USF1: variants seen among roughly 807,000 people sequenced by gnomAD.
USF1 encodes upstream stimulatory factor 1.
USF1 carries 22 observed loss-of-function variants against 46.3 expected under a neutral mutation model. The ratio of observed to expected loss-of-function variants is 0.47; its 90% CI spans 0.34 to 0.68. USF1 has a LOEUF of 0.68. USF1 is among the 30% of genes least tolerant of loss of function. The pLI, the probability that USF1 is intolerant of heterozygous loss-of-function variation, is 0.01. For missense variants in USF1, 287 were observed against 399.3 expected, an observed-to-expected ratio of 0.72 and a Z score of 2.40; for synonymous variants, 150 against 147.0, an observed-to-expected ratio of 1.02 and a Z score of -0.15.
chr1:161,043,973 T>G (rs547787223), intron 1 of USF1, among the ~76,000 whole-genome samples: 1 of 126,402 alleles, frequency 7.9e-6, no homozygotes, highest in African/African-American at 3.2e-5. Flanking sequence ...TGAGACAGAA[T>G]CTTGCTCTGT....
At position 161,042,211 on chromosome 1, in the gene USF1, A is replaced by ACAT. The variant is rs749679234; in HGVS notation, c.178_180dup (p.Met60dup). 6.2e-7 allele frequency: 1 copy of ACAT among 1,613,548 alleles called. No homozygotes were observed. Among genetic ancestry groups the ACAT allele is most frequent in the Non-Finnish European group, 8.5e-7 (1 of 1,179,700 alleles). On this transcript the variant is annotated inframe_insertion, in exon 5 of 11. Coordinates refer to ENST00000368021, the MANE Select transcript of USF1 (RefSeq NM_007122.5). ...CCCTCAGACACCTGGATCACCCTGT[A>ACAT]CATCACCTAGAAGTGTAGAGGAAGG...
At position 161,039,272 on chromosome 1, in the gene USF1, TAAAAAAAAAAAAAAAAAAAAAAA is replaced by T. The variant is rs748404757; in HGVS notation, c.*625_*647del. On this transcript the variant is annotated 3_prime_UTR_variant, in exon 11 of 11. Transcript: ENST00000368021. Reference sequence around the variant, plus strand: ...ACTGTGGCTTTGAACAATTTTATCTTAAAAAAAAAAAAAAAAAAAAAAAAAAAAGAAAAGAAAAAAAAAAAACG... The same window carrying T: ...ACTGTGGCTTTGAACAATTTTATCTTAAAAAGAAAAGAAAAAAAAAAAACG... The T allele has an allele frequency of 2.2e-4, 13 of 59,200 alleles. No individual in the cohort carries two copies. Among genetic ancestry groups the T allele is most frequent in the Non-Finnish European group, 3.4e-4 (12 of 34,840 alleles). 3.7% of individuals were successfully genotyped at this position (59,200 alleles called of 1,614,324 possible). A position where few individuals can be genotyped will look rare whatever the true frequency, so the allele number is the denominator to read the frequency against.
chr1:161,045,091 CCTGAAGAGGAAA>C (rs1310142157), intron 1 of USF1: 2 of 152,180 alleles, frequency 1.3e-5, no homozygotes, highest in African/African-American at 4.8e-5. Flanking sequence ...CATCTTCAAA[CCTGAAGAGGAAA>C]TGCCCTGCGA....
chr1:161,043,466 T>C (rs900687217), intron 1 of USF1, 106 bp from the exon 2 acceptor site: 24 of 809,938 alleles, frequency 3.0e-5, no homozygotes, highest in Non-Finnish European at 4.7e-5. Context: ...AACCCAGTCA[T>C]CTGCAGGGGA....
rs765461079 is a variant in USF1, at chr1:161,042,221, G to A, written c.175-4C>T. ...CCTGGATCACCCTGTACATCACCTAGAAGTGTAGAGGAAGGCAGAGGGAGT... is the reference window on the plus strand; with the variant it reads ...CCTGGATCACCCTGTACATCACCTAAAAGTGTAGAGGAAGGCAGAGGGAGT... On this transcript the variant is annotated splice_region_variant and splice_polypyrimidine_tract_variant and intron_variant, in intron 4 of 10. Coordinates refer to ENST00000368021, the MANE Select transcript of USF1 (RefSeq NM_007122.5). 6.2e-7 allele frequency: 1 copy of A among 1,610,028 alleles called. No homozygotes were observed. The highest frequency in any genetic ancestry group is 8.5e-7 in the Non-Finnish European group (1 of 1,177,966).
chr1:161,042,106 T>C lies in USF1; in HGVS notation c.276+10A>G, dbSNP rs1401851404. On this transcript the variant is annotated intron_variant, in intron 5 of 10. Coordinates refer to ENST00000368021, the MANE Select transcript of USF1 (RefSeq NM_007122.5). ...GAACTCTAGTGACCTCCCCAGCCCA[T>C]ACCCTGTACCTGGGTCATGGATTGA... is the stretch of plus-strand genomic sequence containing the variant. 1 of 1,610,026 alleles carries C rather than the reference T, an allele frequency of 6.2e-7. No homozygotes were observed. Among genetic ancestry groups the C allele is most frequent in the Non-Finnish European group, 8.5e-7 (1 of 1,177,628 alleles).
rs369207174 is a variant in USF1 at position 161,040,606 on chromosome 1, G to A, written c.684C>T (p.Asp228=). 23 of 1,612,748 alleles carry A rather than the reference G, an allele frequency of 1.4e-5. No homozygotes were observed. In the African/African-American group the frequency reaches 2.7e-4, roughly 19 times the overall value. ...WIVQLSKIIP[D]CSMESTKSGQ... is the part of the protein sequence containing the mutation. ...CAGACTTGGTGCTCTCCATAGAGCA[G>A]TCTGGGATTATCTTGGAGAGCTGCA... The change falls in exon 9 of 11, where the codon GAC becomes GAT. Residue 228 remains aspartate, a synonymous_variant. Transcript: ENST00000368021. The surrounding 1 kb of genome is among the most constrained non-coding windows in gnomAD (Gnocchi z 4.0).
chr1:161,039,892 T>C lies in USF1; in HGVS notation c.*28A>G. On this transcript the variant is annotated 3_prime_UTR_variant, in exon 11 of 11. Coordinates refer to ENST00000368021, the MANE Select transcript of USF1 (RefSeq NM_007122.5). ...TTGCTCCTGGGCTATCTGCAGTTCT[T>C]GGGCCCAAAGCCCCTGAATCCCCAT... 6.2e-7 allele frequency: 1 copy of C among 1,612,806 alleles called. No individual in the cohort carries two copies. The highest frequency in any genetic ancestry group is 8.5e-7 in the Non-Finnish European group (1 of 1,179,078).
intron 4 of USF1, 90 bp from the exon 5 acceptor site, chr1:161,042,307 G>T (rs1650600265): frequency 3.0e-6 from 4 of 1,343,158 alleles, no homozygotes; most frequent in South Asian, 2.8e-5. Flanking sequence ...GCTTCCCTTG[G>T]ATAGGGCCCC....
Position 161,040,363 on chromosome 1 carries a change from G to A in USF1, c.715-33C>T. The A allele has an allele frequency of 6.2e-7, 1 of 1,610,362 alleles. No individual in the cohort carries two copies. Among genetic ancestry groups the A allele is most frequent in the Non-Finnish European group, 8.5e-7 (1 of 1,177,436 alleles). On this transcript the variant is annotated intron_variant, in intron 9 of 10. Transcript: ENST00000368021. The surrounding 1 kb of genome is among the most constrained non-coding windows in gnomAD (Gnocchi z 4.0). ...ATAAGGTCAACAAAATGAGAACTAGGATTTCAGATACCCAGCTTGCTTTCC... is the reference window on the plus strand; with the variant it reads ...ATAAGGTCAACAAAATGAGAACTAGAATTTCAGATACCCAGCTTGCTTTCC...
chr1:161,041,261 C>CAAAAAAAAAAAAAAAAAAAAAAAAAAAAA (rs1181304214), intron 7 of USF1, 63 bp downstream of exon 7: 1 of 577,848 alleles, frequency 1.7e-6, no homozygotes, highest in Non-Finnish European at 2.4e-6. Context: ...GACTCTGTCT[C>CAAAAAAAAAAAAAAAAAAAAAAAAAAAAA]AAAAAAAAAA....
At chr1:161,044,124 G>A (rs796732981) in intron 1 of USF1, among the ~76,000 whole-genome samples, 9 of 152,026 alleles carry the variant, frequency 5.9e-5, no homozygotes, top group African/African-American at 1.9e-4. Flanking sequence ...TGTATTTTCA[G>A]TAGAGATGGG....
At chr1:161,044,736 T>G (rs1650726312) in intron 1 of USF1, among the ~76,000 whole-genome samples, 1 of 148,306 alleles carries the variant, frequency 6.7e-6, no homozygotes, top group Non-Finnish European at 1.5e-5. Context: ...GGGGGAAGAA[T>G]CCACCTACAA....
At chr1:161,042,347 A>C in intron 4 of USF1, 130 bp from the exon 5 acceptor site, 1 of 1,085,548 alleles carries the variant, frequency 9.2e-7, no homozygotes, top group Non-Finnish European at 1.3e-6. Context: ...ACATGGATTC[A>C]GCCATTCTCC....
At chr1:161,041,952 A>G (rs1650583462) in intron 5 of USF1, 106 bp from the exon 6 acceptor site, 3 of 1,246,148 alleles carry the variant, frequency 2.4e-6, no homozygotes, top group East Asian at 5.0e-5. Context: ...GGGTGGAGAG[A>G]GAGAGAGAGA....
At chr1:161,043,106 C>T in intron 2 of USF1, 162 bp downstream of exon 2, 1 of 1,321,852 alleles carries the variant, frequency 7.6e-7, no homozygotes. Context: ...AGATAGATAG[C>T]ACTACTTCCA....
Position 161,040,672 on chromosome 1 carries a change from T to C in USF1, c.620-2A>G. 2 of 1,610,840 alleles carry C rather than the reference T, an allele frequency of 1.2e-6. No homozygotes were observed. Among genetic ancestry groups the C allele is most frequent in the Non-Finnish European group, 1.7e-6 (2 of 1,179,850 alleles). ...TCTTGTCTCGGCGGCGACGCTCCAC[T>C]GTGGGGCAAAGTGGAGGACAAGGTG... On this transcript the variant is annotated splice_acceptor_variant, in intron 8 of 10. Transcript: ENST00000368021. LOFTEE classifies it high-confidence loss of function. This position sits in a 1 kb window ranked among gnomAD's most constrained non-coding sequence, Gnocchi z 4.0.
chr1:161,040,428 G>A lies in USF1; in HGVS notation c.715-98C>T. The A allele has an allele frequency of 2.5e-6, 4 of 1,582,644 alleles. No individual in the cohort carries two copies. The highest frequency in any genetic ancestry group is 3.4e-6 in the Non-Finnish European group (4 of 1,162,078). On this transcript the variant is annotated intron_variant, in intron 9 of 10. Coordinates refer to ENST00000368021, the MANE Select transcript of USF1 (RefSeq NM_007122.5). This position sits in a 1 kb window ranked among gnomAD's most constrained non-coding sequence, Gnocchi z 4.0. ...ACTTTGGACCTCATTTTCATCTAAG[G>A]AAGGTGGTATAATATCTCCCAGGGA...
rs1650499092 is a variant in USF1 at position 161,040,462 on chromosome 1, C to T, written c.714+114G>A. The T allele has an allele frequency of 6.4e-7, 1 of 1,551,790 alleles. No homozygotes were observed. The highest frequency in any genetic ancestry group is 1.4e-5 in the African/African-American group (1 of 73,072). ...ATAATATCTCCCAGGGATACAGGAA[C>T]CTCAGGGAGAGATAAGACTACTGTC... On this transcript the variant is annotated intron_variant, in intron 9 of 10. Coordinates refer to ENST00000368021, the MANE Select transcript of USF1 (RefSeq NM_007122.5). The surrounding 1 kb of genome is among the most constrained non-coding windows in gnomAD (Gnocchi z 4.0).
Sources: allele counts gnomAD v4.1 joint callset (sites outside exome capture counted in the v4.1 genomes callset), GRCh38; gene constraint gnomAD v4.1.1; non-coding constraint Gnocchi (gnomAD v3.1); transcripts MANE v1.5; gene names NCBI Gene and HGNC (gene_info 2026-07-23, HGNC 2026-07-21).